The following MAP3K20 variants were observed in gnomAD, a reference collection of about 807,000 sequenced individuals.
MAP3K20 encodes mitogen-activated protein kinase kinase kinase 20, also known as HCCS-4.
A neutral mutation model predicts 85.7 loss-of-function variants in MAP3K20; 40 were observed. The ratio of observed to expected loss-of-function variants is 0.47; its 90% CI spans 0.36 to 0.61. The LOEUF (loss-of-function observed/expected upper bound fraction) is 0.61, where lower values mean the gene tolerates loss of function less well. Ranked by LOEUF, MAP3K20 falls within the 20% of genes least tolerant of loss-of-function variation. MAP3K20 has a pLI of 0.00. For missense variants in MAP3K20, 817 were observed against 961.7 expected, an observed-to-expected ratio of 0.85 and a Z score of 1.99; for synonymous variants, 325 against 327.7, an observed-to-expected ratio of 0.99 and a Z score of 0.09.
intron 16 of MAP3K20, among the ~76,000 whole-genome samples, chr2:173,253,558 T>A (rs1304478352): frequency 6.6e-6 from 1 of 152,194 alleles, no homozygotes; most frequent in Non-Finnish European, 1.5e-5. Flanking sequence ...ATAGGAATCA[T>A]CAACACCTTA....
chr2:173,260,903 T>G (rs1685276924), intron 17 of MAP3K20, among the ~76,000 whole-genome samples, 160 bp from the exon 18 acceptor site: 2 of 152,234 alleles, frequency 1.3e-5, no homozygotes, highest in Admixed American at 6.5e-5. Context: ...AACATTAGCA[T>G]GTTGTGAGTG....
rs138959952 is a variant in MAP3K20 at position 173,167,864 on chromosome 2, T to C, written c.160-1941T>C. Among the ~76,000 whole-genome samples, 339 of 152,280 alleles carry C rather than the reference T, an allele frequency of 2.2e-3. 1 individual carries two copies. Among genetic ancestry groups the C allele is most frequent in the Non-Finnish European group, 4.1e-3 (282 of 68,012 alleles). ...TCTTTATTGATAGAAAAATCTTTAA[T>C]GATCACAAAATTCAGGTGCCCCAAA... is the stretch of plus-strand genomic sequence containing the variant. On this transcript the variant is annotated intron_variant, in intron 2 of 19. Coordinates refer to ENST00000375213, the MANE Select transcript of MAP3K20 (RefSeq NM_016653.3).
chr2:173,130,893 T>C (rs1574041202), intron 2 of MAP3K20, among the ~76,000 whole-genome samples: 1 of 152,350 alleles, frequency 6.6e-6, no homozygotes, highest in African/African-American at 2.4e-5. Context: ...GACAAGGTTT[T>C]AGGATCTATC....
At chr2:173,111,995 G>A (rs1051575882) in intron 2 of MAP3K20, among the ~76,000 whole-genome samples, 4 of 152,132 alleles carry the variant, frequency 2.6e-5, no homozygotes, top group Admixed American at 2.0e-4. Flanking sequence ...TTTGTAGATT[G>A]CTTTTGGCAT....
At chr2:173,159,771 A>G (rs1232650013) in intron 2 of MAP3K20, among the ~76,000 whole-genome samples, 1 of 152,230 alleles carries the variant, frequency 6.6e-6, no homozygotes, top group Non-Finnish European at 1.5e-5. Flanking sequence ...ATTTGGAAAT[A>G]GCTCTTGAAT....
At chr2:173,101,465 A>G (rs994509811) in intron 2 of MAP3K20, among the ~76,000 whole-genome samples, 3 of 152,240 alleles carry the variant, frequency 2.0e-5, no homozygotes, top group African/African-American at 7.2e-5. Flanking sequence ...CATTTCAGTT[A>G]GTTAATATTT....
chr2:173,257,234 C>T (rs1365369967), intron 16 of MAP3K20, among the ~76,000 whole-genome samples: 1 of 152,084 alleles, frequency 6.6e-6, no homozygotes, highest in African/African-American at 2.4e-5. Flanking sequence ...TATATATATT[C>T]ACTAAGTTTT....
intron 1 of MAP3K20, among the ~76,000 whole-genome samples, chr2:173,083,323 C>A (rs116685480): frequency 0.015 from 2,359 of 152,194 alleles, 59 homozygotes; most frequent in African/African-American, 0.053. Context: ...GGTTCTGTTC[C>A]TATACCTAGT....
chr2:173,216,731 C>G (rs1684084574), intron 10 of MAP3K20, among the ~76,000 whole-genome samples: 1 of 152,004 alleles, frequency 6.6e-6, no homozygotes, highest in African/African-American at 2.4e-5. Context: ...ATTTTCCCAC[C>G]TATACTATGA....
chr2:173,104,288 G>A (rs1398874624), intron 2 of MAP3K20, among the ~76,000 whole-genome samples: 2 of 152,082 alleles, frequency 1.3e-5, no homozygotes, highest in East Asian at 1.9e-4. Context: ...TACCCCTGAG[G>A]TTTTCTTCCC....
intron 9 of MAP3K20, among the ~76,000 whole-genome samples, chr2:173,208,853 A>G (rs1683780094): frequency 6.6e-6 from 1 of 152,182 alleles, no homozygotes; most frequent in Admixed American, 6.5e-5. Flanking sequence ...AATGTGCATC[A>G]TCCTTTTTAT....
intron 2 of MAP3K20, among the ~76,000 whole-genome samples, chr2:173,156,089 G>T (rs987206498): frequency 2.0e-5 from 3 of 152,172 alleles, no homozygotes; most frequent in African/African-American, 7.2e-5. Context: ...AAATTTAACG[G>T]TTTGGAACTT....
At chr2:173,184,073 C>T (rs1690413838) in intron 4 of MAP3K20, among the ~76,000 whole-genome samples, 1 of 152,220 alleles carries the variant, frequency 6.6e-6, no homozygotes, top group South Asian at 2.1e-4. Context: ...TGTTAATTTG[C>T]TTAATTGTGT....
At chr2:173,262,772 A>G (rs2106358091) in intron 18 of MAP3K20, among the ~76,000 whole-genome samples, 1 of 152,316 alleles carries the variant, frequency 6.6e-6, no homozygotes, top group African/African-American at 2.4e-5. Context: ...CATTGCTTGC[A>G]AGGTGCAAAA....
At chr2:173,146,260 C>G (rs980429360) in intron 2 of MAP3K20, among the ~76,000 whole-genome samples, 1 of 151,736 alleles carries the variant, frequency 6.6e-6, no homozygotes, top group Non-Finnish European at 1.5e-5. Context: ...AAGGAACAAG[C>G]CAGTCAAGTC....
intron 2 of MAP3K20, among the ~76,000 whole-genome samples, chr2:173,107,446 G>T (rs1250990802): frequency 3.3e-5 from 5 of 152,236 alleles, no homozygotes; most frequent in African/African-American, 1.2e-4. Context: ...GAGAGGTGAG[G>T]GGGCAGCCGG....
chr2:173,224,683 T>C (rs1018429545), intron 11 of MAP3K20: 3 of 985,318 alleles, frequency 3.0e-6, no homozygotes, highest in African/African-American at 3.5e-5. Context: ...CCACGTGACG[T>C]TGGCTCTATT....
chr2:173,199,695 G>C (rs1281496547), intron 8 of MAP3K20, among the ~76,000 whole-genome samples: 1 of 130,920 alleles, frequency 7.6e-6, no homozygotes, highest in Admixed American at 7.9e-5. Flanking sequence ...TTTTGTTTTT[G>C]TTTTTTTAGC....
chr2:173,215,161 G>A (rs559624907), intron 10 of MAP3K20, among the ~76,000 whole-genome samples: 8 of 152,168 alleles, frequency 5.3e-5, no homozygotes, highest in Non-Finnish European at 1.2e-4. Context: ...ATTTACCCTG[G>A]TCTAAAAGAA....
Sources: gnomAD v4.1 joint callset for allele counts (sites outside exome capture counted in the v4.1 genomes callset) on GRCh38, gnomAD v4.1.1 for gene constraint, MANE v1.5 for transcripts, NCBI Gene and HGNC (gene_info 2026-07-23, HGNC 2026-07-21) for gene names.